FARS2: variants seen among roughly 807,000 people sequenced by gnomAD.
FARS2 encodes phenylalanyl-tRNA synthetase 2, mitochondrial, also known as phenylalanine--tRNA ligase, mitochondrial.
In FARS2, 40 loss-of-function variants were observed where a neutral mutation model predicts 46.4. The ratio of observed to expected loss-of-function variants is 0.86; its 90% CI spans 0.67 to 1.12. The LOEUF (loss-of-function observed/expected upper bound fraction) is 1.12. FARS2 is among the 50% of genes most tolerant of loss of function. FARS2 has a pLI of 0.00. For synonymous variants in FARS2, 234 were observed against 214.9 expected (o/e 1.09, Z -0.78); for missense variants, 513 against 567.9 (o/e 0.90, Z 0.98).
chr6:5,693,467 G>A (rs112731660), intron 6 of FARS2, among the ~76,000 whole-genome samples: 6 of 152,318 alleles, frequency 3.9e-5, no homozygotes, highest in Non-Finnish European at 8.8e-5. Flanking sequence ...GGCGGCTAAT[G>A]CGTTTGCATT....
chr6:5,561,445 A>G (rs4960100), intron 5 of FARS2, among the ~76,000 whole-genome samples: 10,822 of 152,148 alleles, frequency 0.071, 506 homozygotes, highest in East Asian at 0.17. Context: ...TTAACAAGGC[A>G]TAACATTCTG....
At chr6:5,762,296 A>G (rs1187587575) in intron 6 of FARS2, among the ~76,000 whole-genome samples, 1 of 152,184 alleles carries the variant, frequency 6.6e-6, no homozygotes, top group Non-Finnish European at 1.5e-5. Context: ...CATGATCTAT[A>G]TTTTAGAAGG....
At chr6:5,613,409 AG>A in intron 6 of FARS2, 89 bp downstream of exon 6, 4 of 1,103,602 alleles carry the variant, frequency 3.6e-6, no homozygotes, top group Non-Finnish European at 5.3e-6. Context: ...GCTGAAACCC[AG>A]GGTATCTGAG....
intron 2 of FARS2, among the ~76,000 whole-genome samples, chr6:5,379,887 AAT>A (rs1363792464): frequency 6.6e-6 from 1 of 152,176 alleles, no homozygotes; most frequent in Non-Finnish European, 1.5e-5. Context: ...GGCAAAGGAA[AAT>A]ATTTCAAGGA....
upstream of FARS2, among the ~76,000 whole-genome samples, chr6:5,257,195 G>T (rs111274727): frequency 1.3e-5 from 2 of 152,004 alleles, no homozygotes; most frequent in Non-Finnish European, 2.9e-5. Flanking sequence ...TCCTCAGCAC[G>T]GCCCCCAGGC....
rs150620749 is a variant in FARS2, at chr6:5,480,827, G to A, written c.904+49655G>A. 9.4e-4 allele frequency among the ~76,000 whole-genome samples: 143 copies of A among 152,312 alleles called. 2 individuals are homozygous for A. Among genetic ancestry groups the A allele is most frequent in the African/African-American group, 3.3e-3 (139 of 41,562 alleles). ...TTCCTCCTTCCTCCTAGGTTTAACT[G>A]CATGGTGAATTTATAGTGTCATAAT... On this transcript the variant is annotated intron_variant, in intron 4 of 6. Transcript: ENST00000274680.
intron 5 of FARS2, chr6:5,610,062 A>G: frequency 5.5e-6 from 5 of 912,124 alleles, no homozygotes; most frequent in Admixed American, 5.1e-5. Flanking sequence ...TGGGTCTCTC[A>G]TTACCACACA....
At chr6:5,468,677 T>G (rs1286699138) in intron 4 of FARS2, among the ~76,000 whole-genome samples, 1 of 152,262 alleles carries the variant, frequency 6.6e-6, no homozygotes, top group Non-Finnish European at 1.5e-5. Context: ...GATTACAGAT[T>G]CCTTGCATAA....
intron 6 of FARS2, among the ~76,000 whole-genome samples, chr6:5,693,634 T>C (rs1240086641): frequency 6.6e-6 from 1 of 152,224 alleles, no homozygotes; most frequent in East Asian, 1.9e-4. Flanking sequence ...GATTTTATTG[T>C]GCTCACGTGT....
At chr6:5,262,831 T>C (rs561990785) in intron 1 of FARS2, among the ~76,000 whole-genome samples, 4 of 152,356 alleles carry the variant, frequency 2.6e-5, no homozygotes, top group African/African-American at 9.6e-5. Context: ...TTCTATTACT[T>C]CCTGGTTGGT....
chr6:5,283,875 G>A (rs1205760446), intron 1 of FARS2, among the ~76,000 whole-genome samples: 3 of 152,100 alleles, frequency 2.0e-5, no homozygotes, highest in Admixed American at 1.3e-4. Flanking sequence ...AAATTGTTTA[G>A]TGAATATAAT....
At chr6:5,494,266 C>A (rs543217632) in intron 4 of FARS2, among the ~76,000 whole-genome samples, 6 of 151,988 alleles carry the variant, frequency 3.9e-5, no homozygotes, top group Non-Finnish European at 7.4e-5. Flanking sequence ...GTTTTAGAAC[C>A]ATAATACCTT....
At chr6:5,302,399 A>G (rs1768381003) in intron 1 of FARS2, among the ~76,000 whole-genome samples, 1 of 152,138 alleles carries the variant, frequency 6.6e-6, no homozygotes, top group African/African-American at 2.4e-5. Context: ...TGTGTCAGAG[A>G]GTCGCAAAGC....
chr6:5,758,824 G>A (rs569898200), intron 6 of FARS2, among the ~76,000 whole-genome samples: 14 of 152,242 alleles, frequency 9.2e-5, no homozygotes, highest in South Asian at 2.1e-4. Flanking sequence ...TCTGAGGAGC[G>A]GATGGGAAAG....
At chr6:5,681,468 T>G (rs1448151951) in intron 6 of FARS2, among the ~76,000 whole-genome samples, 1 of 152,216 alleles carries the variant, frequency 6.6e-6, no homozygotes, top group Non-Finnish European at 1.5e-5. Flanking sequence ...GGACTACAGG[T>G]GATTTTTACT....
intron 5 of FARS2, among the ~76,000 whole-genome samples, chr6:5,576,179 C>G (rs1237343345): frequency 3.3e-5 from 5 of 152,082 alleles, no homozygotes; most frequent in African/African-American, 9.7e-5. Context: ...TTGTCAACTT[C>G]ATTGGATTGA....
intron 5 of FARS2, among the ~76,000 whole-genome samples, chr6:5,579,138 G>C (rs1225176590): frequency 1.3e-5 from 2 of 152,184 alleles, no homozygotes; most frequent in Non-Finnish European, 2.9e-5. Context: ...ATTAAGGCTT[G>C]TGTATAAACT....
chr6:5,354,063 T>C (rs1049456542), intron 1 of FARS2, among the ~76,000 whole-genome samples: 1 of 151,756 alleles, frequency 6.6e-6, no homozygotes, highest in African/African-American at 2.4e-5. Flanking sequence ...CCATCTCATC[T>C]AGAGATTAGT....
intron 6 of FARS2, among the ~76,000 whole-genome samples, chr6:5,657,933 A>G (rs972632080): frequency 6.6e-6 from 1 of 152,230 alleles, no homozygotes; most frequent in Non-Finnish European, 1.5e-5. Context: ...CTTCTGTGAC[A>G]TGGGGAATAG....
Sources: allele counts gnomAD v4.1 joint callset (sites outside exome capture counted in the v4.1 genomes callset), GRCh38; gene constraint gnomAD v4.1.1; transcripts MANE v1.5; gene names NCBI Gene and HGNC (gene_info 2026-07-23, HGNC 2026-07-21).